Variants in PSG5 observed in about 807,000 individuals in gnomAD.
PSG5 encodes the protein pregnancy-specific beta-1-glycoprotein 5.
PSG5 carries 53 observed loss-of-function variants against 37.7 expected under a neutral mutation model. That is an observed-to-expected ratio of 1.41 (90% CI 1.13 to 1.77). PSG5 has a LOEUF of 1.77. Ranked by LOEUF, PSG5 falls within the 40% of genes most tolerant of loss-of-function variation. PSG5 has a pLI of 0.00. For synonymous variants in PSG5, 221 were observed against 155.4 expected, an observed-to-expected ratio of 1.42 and a Z score of -3.14; for missense variants, 547 against 405.2, an observed-to-expected ratio of 1.35 and a Z score of -3.00.
intron 2 of PSG5, chr19:43,179,231 T>C: frequency 6.9e-7 from 1 of 1,454,456 alleles, no homozygotes; most frequent in Non-Finnish European, 9.4e-7. Flanking sequence ...TCAATCAGAG[T>C]TGGCATTTCC....
chr19:43,176,559 G>A (rs1444365771), intron 2 of PSG5, among the ~76,000 whole-genome samples: 3 of 151,544 alleles, frequency 2.0e-5, no homozygotes, highest in Admixed American at 6.6e-5. Context: ...TTTCTCTGCA[G>A]CTCCCATTTC....
chr19:43,179,461 A>C (rs1196817614), intron 2 of PSG5, among the ~76,000 whole-genome samples: 1 of 151,622 alleles, frequency 6.6e-6, no homozygotes, highest in Non-Finnish European at 1.5e-5. Context: ...CCTCCGACTA[A>C]AACTGCCTGC....
intron 2 of PSG5, chr19:43,178,918 T>C: frequency 1.9e-6 from 3 of 1,612,900 alleles, no homozygotes; most frequent in Non-Finnish European, 2.5e-6. Context: ...TGGCTGGCAC[T>C]CACTGGGTTC....
At chr19:43,184,712 C>A in intron 2 of PSG5, 70 bp downstream of exon 2, 1 of 1,604,576 alleles carries the variant, frequency 6.2e-7, no homozygotes, top group South Asian at 1.1e-5. Flanking sequence ...GCAGGCCTGA[C>A]AATCCTGTGT....
chr19:43,171,975 C>A (rs1329636913), intron 4 of PSG5, among the ~76,000 whole-genome samples: 1 of 130,322 alleles, frequency 7.7e-6, no homozygotes, highest in Non-Finnish European at 1.6e-5. Context: ...AGAGCCCGTC[C>A]CTCTCTTCAA....
At position 43,186,471 on chromosome 19, in the gene PSG5, G is replaced by T. The variant is rs1471260794; in HGVS notation, c.-66C>A. On this transcript the variant is annotated 5_prime_UTR_variant, in exon 1 of 6. Transcript: ENST00000342951. ...TAGGATCCAGAAACTTCCTGAGCAC[G>T]GCTGTAGGCTGTGCTGTCCTTCCTC... 1.7e-5 allele frequency: 28 copies of T among 1,600,114 alleles called. No individual in the cohort carries two copies. Among genetic ancestry groups the T allele is most frequent in the Admixed American group, 6.8e-5 (4 of 59,074 alleles).
intron 2 of PSG5, among the ~76,000 whole-genome samples, chr19:43,181,546 C>T (rs1969128450): frequency 6.6e-6 from 1 of 151,616 alleles, no homozygotes; most frequent in Non-Finnish European, 1.5e-5. Context: ...GCAAGCTCCA[C>T]CTCCTGGGCT....
intron 4 of PSG5, 146 bp downstream of exon 4, chr19:43,175,069 A>T: frequency 6.4e-7 from 1 of 1,567,512 alleles, no homozygotes; most frequent in South Asian, 1.2e-5. Context: ...GTAGAGACAA[A>T]TTGGAAGGGT....
chr19:43,182,992 C>T (rs1452936474), intron 2 of PSG5, among the ~76,000 whole-genome samples: 3 of 150,832 alleles, frequency 2.0e-5, no homozygotes, highest in Non-Finnish European at 3.0e-5. Context: ...AACAGAACAG[C>T]CAGCCTAGTT....
At chr19:43,185,241 C>T (rs1966907807) in intron 1 of PSG5, 94 bp from the exon 2 acceptor site, 5 of 1,413,324 alleles carry the variant, frequency 3.5e-6, no homozygotes, top group Non-Finnish European at 4.8e-6. Context: ...CTTCAATCCT[C>T]AGCCTTGAAG....
chr19:43,176,063 CTT>C lies in PSG5; in HGVS notation c.514_515del (p.Lys172GlufsTer2), dbSNP rs771776151. ...ACCAAATGTAGGTGTAGTTCTCACT[CTT>C]AGGTTCACAGGTGAAGGCTAAGACA... is the stretch of plus-strand genomic sequence containing the variant. ...KDVLAFTCEP[K>X]SENYTYIWWL... On this transcript the variant is annotated frameshift_variant, in exon 3 of 6. Coordinates refer to ENST00000342951, the MANE Select transcript of PSG5 (RefSeq NM_002781.4). LOFTEE classifies it high-confidence loss of function. 6.2e-7 allele frequency: 1 copy of C among 1,608,748 alleles called. No individual in the cohort carries two copies. The highest frequency in any genetic ancestry group is 1.3e-5 in the African/African-American group (1 of 74,290).
intron 2 of PSG5, among the ~76,000 whole-genome samples, chr19:43,179,586 C>T (rs1173957329): frequency 2.6e-5 from 4 of 151,706 alleles, no homozygotes; most frequent in Non-Finnish European, 5.9e-5. Flanking sequence ...CCAAGGACAT[C>T]CTAGAGATGG....
In PSG5 at chr19:43,170,115, G is replaced by T; in HGVS notation, c.988C>A (p.Pro330Thr). 1.3e-6 allele frequency: 2 copies of T among 1,589,640 alleles called. No homozygotes were observed. Among genetic ancestry groups the T allele is most frequent in the Non-Finnish European group, 8.6e-7 (1 of 1,162,108 alleles). Residue 330 changes from proline (P) to threonine (T), a missense_variant, in exon 5 of 6, where the codon CCT becomes ACT. Coordinates refer to ENST00000342951, the MANE Select transcript of PSG5 (RefSeq NM_002781.4). Reference protein sequence around the residue: ...VSAPSGIGRLPLLNPI With the variant: ...VSAPSGIGRLTLLNPI The stretch of plus-strand genomic sequence containing the variant: ...GGCTGCTATATTGGATTAAGGAGAG[G>T]AAGACGTCCTATTCCTGAAGGAGCT...
chr19:43,170,943 G>A (rs1968892975), intron 4 of PSG5: 1 of 151,352 alleles, frequency 6.6e-6, no homozygotes, highest in African/African-American at 2.4e-5. Flanking sequence ...TCTCCCACAA[G>A]TAGTCAGTAA....
intron 5 of PSG5, 132 bp from the exon 6 acceptor site, chr19:43,168,335 C>T: frequency 1.7e-5 from 5 of 286,062 alleles, no homozygotes; most frequent in Non-Finnish European, 2.0e-5. Context: ...ATTTGATTTC[C>T]AGAAATTTCA....
chr19:43,180,346 T>G lies in PSG5; in HGVS notation c.431-4198A>C, dbSNP rs547829244. On this transcript the variant is annotated intron_variant, in intron 2 of 5. Coordinates refer to ENST00000342951, the MANE Select transcript of PSG5 (RefSeq NM_002781.4). ...GCAGAAAGCTTAAAACAAAGTGTTTTGGATTTCTAATTTTTTTAATTTTGG... is the reference window on the plus strand; with the variant it reads ...GCAGAAAGCTTAAAACAAAGTGTTTGGGATTTCTAATTTTTTTAATTTTGG... The G allele has an allele frequency of 3.3e-5, 5 of 151,670 alleles. 1 individual carries two copies. The highest frequency in any genetic ancestry group is 1.2e-4 in the African/African-American group (5 of 41,162). 9.4% of individuals were successfully genotyped at this position (151,670 alleles called of 1,614,324 possible).
At chr19:43,179,047 A>G (rs1969071534) in intron 2 of PSG5, 1 of 1,612,590 alleles carries the variant, frequency 6.2e-7, no homozygotes, top group African/African-American at 1.3e-5. Context: ...CCATTCATCC[A>G]CCACAGGTAG....
Position 43,183,436 on chromosome 19 carries a change from T to C in PSG5, c.430+1346A>G, listed in dbSNP as rs1031982616. ...CATTTGTTATGTGAGAGCTCCTGAG[T>C]GTGTGTCTCTCGCTGGGCCTGTGCT... is the stretch of plus-strand genomic sequence containing the variant. On this transcript the variant is annotated intron_variant, in intron 2 of 5. Coordinates refer to ENST00000342951, the MANE Select transcript of PSG5 (RefSeq NM_002781.4). 12 of 529,674 alleles carry C rather than the reference T, an allele frequency of 2.3e-5. No individual in the cohort carries two copies. In the Middle Eastern group the frequency reaches 2.0e-3, roughly 88 times the overall value. The allele number at this position is 529,674 out of a possible 1,614,324, so 32.8% of individuals were successfully genotyped here. A position where few individuals can be genotyped will look rare whatever the true frequency, so the allele number is the denominator to read the frequency against.
In PSG5 at chr19:43,167,969, A is replaced by G; in HGVS notation, c.*275T>C. On this transcript the variant is annotated 3_prime_UTR_variant, in exon 6 of 6. Coordinates refer to ENST00000342951, the MANE Select transcript of PSG5 (RefSeq NM_002781.4). ...AAATTATGAAAACATTATGCTTTTG[A>G]TTATTTAGTCCAATAACATGGAGTT... 1 of 404,234 alleles carries G rather than the reference A, an allele frequency of 2.5e-6. No homozygotes were observed. Among genetic ancestry groups the G allele is most frequent in the Non-Finnish European group, 4.6e-6 (1 of 219,544 alleles). 25.0% of individuals were successfully genotyped at this position (404,234 alleles called of 1,614,324 possible). A position where few individuals can be genotyped will look rare whatever the true frequency, so the allele number is the denominator to read the frequency against.
Sources: gnomAD v4.1 joint callset for allele counts (sites outside exome capture counted in the v4.1 genomes callset) on GRCh38, gnomAD v4.1.1 for gene constraint, MANE v1.5 for transcripts, NCBI Gene and HGNC (gene_info 2026-07-23, HGNC 2026-07-21) for gene names.